Variants in RICTOR observed in about 807,000 individuals in gnomAD.
The protein encoded by RICTOR is rapamycin-insensitive companion of mTOR.
In RICTOR, 49 loss-of-function variants were observed where a neutral mutation model predicts 214.9. The ratio of observed to expected loss-of-function variants is 0.23; its 90% CI spans 0.18 to 0.29. RICTOR has a LOEUF of 0.29. Among genes scored for constraint, RICTOR ranks in the 10% least tolerant of loss-of-function variants. The pLI is 1.00. For synonymous variants in RICTOR, 717 were observed against 711.3 expected (o/e 1.01, Z -0.13); for missense variants, 1,625 against 2,047.0 (o/e 0.79, Z 3.98).
chr5:39,071,635 C>G (rs1426707031), intron 2 of RICTOR, among the ~76,000 whole-genome samples: 4 of 152,124 alleles, frequency 2.6e-5, no homozygotes, highest in Non-Finnish European at 5.9e-5. Flanking sequence ...CCAAATCACC[C>G]AACTATTAAA....
intron 3 of RICTOR, among the ~76,000 whole-genome samples, chr5:39,017,993 G>T (rs1387638049): frequency 6.6e-6 from 1 of 152,056 alleles, no homozygotes; most frequent in African/African-American, 2.4e-5. Context: ...AGCAGCAAGG[G>T]ATTAAACATA....
At chr5:39,043,704 A>G (rs1757313300) in intron 2 of RICTOR, among the ~76,000 whole-genome samples, 1 of 152,150 alleles carries the variant, frequency 6.6e-6, no homozygotes, top group South Asian at 2.1e-4. Context: ...TTTCATCCCC[A>G]GTGTGGCTGT....
intron 15 of RICTOR, among the ~76,000 whole-genome samples, chr5:38,966,198 C>T (rs569327019): frequency 6.6e-6 from 1 of 152,340 alleles, no homozygotes; most frequent in South Asian, 2.1e-4. Flanking sequence ...ACCAAGACTA[C>T]ATTTAAAGCT....
chr5:38,947,010 A>G (rs1391999725), intron 32 of RICTOR, among the ~76,000 whole-genome samples: 1 of 152,146 alleles, frequency 6.6e-6, no homozygotes, highest in Non-Finnish European at 1.5e-5. Flanking sequence ...ATGGATAAAG[A>G]AATCAAATGA....
chr5:38,955,533 C>A, intron 26 of RICTOR, 62 bp downstream of exon 26: 1 of 918,614 alleles, frequency 1.1e-6, no homozygotes, highest in Non-Finnish European at 1.8e-6. Flanking sequence ...TATACAAAAA[C>A]TCAGAAATGT....
At chr5:39,035,500 G>C (rs1180861658) in intron 2 of RICTOR, among the ~76,000 whole-genome samples, 1 of 152,130 alleles carries the variant, frequency 6.6e-6, no homozygotes, top group Non-Finnish European at 1.5e-5. Flanking sequence ...GAGAGAAGAA[G>C]GCTTCAGAAG....
In RICTOR at chr5:39,067,209, G is replaced by A. The variant is rs184302244; in HGVS notation, c.97+6902C>T. Among the ~76,000 whole-genome samples the A allele has an allele frequency of 3.5e-3, 539 of 152,236 alleles. 3 individuals carry two copies. Among genetic ancestry groups the A allele is most frequent in the East Asian group, 6.4e-3 (33 of 5,178 alleles). On this transcript the variant is annotated intron_variant, in intron 2 of 37. Coordinates refer to ENST00000357387, the MANE Select transcript of RICTOR (RefSeq NM_152756.5). The stretch of plus-strand genomic sequence containing the variant: ...AGCATGGTGCCAGCATCTGCTTCTC[G>A]GGAGGCCTCAGGGTGTTTCTGCTCA...
intron 33 of RICTOR, 93 bp from the exon 34 acceptor site, chr5:38,945,817 C>A: frequency 3.3e-6 from 2 of 605,212 alleles, no homozygotes; most frequent in Non-Finnish European, 5.5e-6. Context: ...AGCTTAAGCA[C>A]ATTTTATGAC....
chr5:39,023,155 C>A (rs1188323636), intron 2 of RICTOR, among the ~76,000 whole-genome samples: 1 of 150,738 alleles, frequency 6.6e-6, no homozygotes, highest in Non-Finnish European at 1.5e-5. Flanking sequence ...GATTTCTTAT[C>A]CAAAACAGGG....
Position 38,946,493 on chromosome 5 carries a change from T to C in RICTOR, c.4374A>G (p.Ala1458=). 2 of 1,611,518 alleles carry C rather than the reference T, an allele frequency of 1.2e-6. No individual in the cohort carries two copies. Among genetic ancestry groups the C allele is most frequent in the Non-Finnish European group, 1.7e-6 (2 of 1,177,732 alleles). Reference sequence around the variant, plus strand: ...CTCCTGCATCATGGGCAAATGCTCTTGCACCTCGATCATCATGTGGTGGTA... The same window carrying C: ...CTCCTGCATCATGGGCAAATGCTCTCGCACCTCGATCATCATGTGGTGGTA... The part of the protein sequence containing the change: ...KNIPPHDDRG[A]RAFAHDAGGL... Residue 1458 remains alanine, a synonymous_variant, in exon 33 of 38, where the codon GCA becomes GCG. Transcript: ENST00000357387.
intron 2 of RICTOR, among the ~76,000 whole-genome samples, chr5:39,060,717 A>G (rs1758486251): frequency 6.6e-6 from 1 of 152,094 alleles, no homozygotes; most frequent in Admixed American, 6.5e-5. Flanking sequence ...TTCGGATCTC[A>G]GTTAATAACC....
At chr5:39,006,269 T>C (rs1339618543) in intron 3 of RICTOR, among the ~76,000 whole-genome samples, 1 of 152,332 alleles carries the variant, frequency 6.6e-6, no homozygotes, top group Admixed American at 6.5e-5. Flanking sequence ...TCAAACAGGT[T>C]TTCCTAGTTT....
chr5:39,036,573 T>C (rs940351130), intron 2 of RICTOR, among the ~76,000 whole-genome samples: 6 of 151,966 alleles, frequency 3.9e-5, no homozygotes, highest in Non-Finnish European at 7.4e-5. Flanking sequence ...AGGAAACCCA[T>C]CTCACGTGCA....
Position 38,945,594 on chromosome 5 carries a change from A to G in RICTOR, c.4530T>C (p.Thr1510=). Reference sequence around the variant, plus strand: ...TATCATCTGTATGTTCCTGTAGTCCAGTGTCTTCTGTACTTTCTAAAAACA... The same window carrying G: ...TATCATCTGTATGTTCCTGTAGTCCGGTGTCTTCTGTACTTTCTAAAAACA... ...ASLFLESTED[T]GLQEHTDDNC... is the part of the protein sequence containing the mutation. The change falls in exon 34 of 38, where the codon ACT becomes ACC. Residue 1510 remains threonine (T), a synonymous_variant. Transcript: ENST00000357387. The G allele has an allele frequency of 6.2e-7, 1 of 1,613,942 alleles. No homozygotes were observed. Among genetic ancestry groups the G allele is most frequent in the Non-Finnish European group, 8.5e-7 (1 of 1,179,824 alleles).
At chr5:39,074,264 G>C in intron 1 of RICTOR, 65 bp downstream of exon 1, 2 of 1,580,144 alleles carry the variant, frequency 1.3e-6, no homozygotes, top group African/African-American at 2.7e-5. Flanking sequence ...CCAGGGCCAG[G>C]GGAAGGCAAG....
chr5:38,950,751 C>A, intron 30 of RICTOR, 31 bp from the exon 31 acceptor site: 1 of 1,512,872 alleles, frequency 6.6e-7, no homozygotes, highest in Non-Finnish European at 8.9e-7. Flanking sequence ...AATAAAAACA[C>A]ATATAAAATG....
chr5:38,988,970 G>A (rs149403171), intron 7 of RICTOR, among the ~76,000 whole-genome samples: 4 of 151,994 alleles, frequency 2.6e-5, no homozygotes, highest in Non-Finnish European at 2.9e-5. Flanking sequence ...AGCTATCCCC[G>A]TCAAGCTACC....
intron 6 of RICTOR, among the ~76,000 whole-genome samples, chr5:38,994,419 T>TA (rs869254811): frequency 1.2e-4 from 7 of 57,158 alleles, no homozygotes; most frequent in African/African-American, 2.8e-4. Context: ...AAGGTTTTAC[T>TA]AAAAAAAAAA....
intron 7 of RICTOR, among the ~76,000 whole-genome samples, chr5:38,990,628 T>TATATG (rs1286469105): frequency 6.3e-5 from 6 of 95,660 alleles, no homozygotes; most frequent in African/African-American, 2.4e-4. Context: ...ATATATGATA[T>TATATG]ATATATCTGA....
Sources: allele counts gnomAD v4.1 joint callset (sites outside exome capture counted in the v4.1 genomes callset), GRCh38; gene constraint gnomAD v4.1.1; transcripts MANE v1.5; gene names NCBI Gene and HGNC (gene_info 2026-07-23, HGNC 2026-07-21).